KCP: variants seen among roughly 807,000 people sequenced by gnomAD.
KCP encodes kielin/chordin-like protein.
KCP carries 194 observed loss-of-function variants against 212.7 expected under a neutral mutation model. That is an observed-to-expected ratio of 0.91 (90% CI 0.81 to 1.03). The LOEUF (loss-of-function observed/expected upper bound fraction) is 1.03, where lower values mean the gene tolerates loss of function less well. KCP is among the 50% of genes least tolerant of loss of function. The probability of loss-of-function intolerance (pLI) is 0.00; values close to 1 mark genes in which losing one functional copy is unlikely to be tolerated. For missense variants in KCP, 2,080 were observed against 2,162.5 expected, an observed-to-expected ratio of 0.96 and a Z score of 0.76; for synonymous variants, 833 against 865.3, an observed-to-expected ratio of 0.96 and a Z score of 0.65.
chr7:128,888,649 C>CAGCCACACACACACAG (rs1563031476), intron 22 of KCP, among the ~76,000 whole-genome samples: 3 of 151,884 alleles, frequency 2.0e-5, no homozygotes, highest in African/African-American at 7.3e-5. Flanking sequence ...CACACATACA[C>CAGCCACACACACACAG]AGCCACACAC....
intron 7 of KCP, 105 bp from the exon 8 acceptor site, chr7:128,902,964 C>T: frequency 1.2e-6 from 1 of 851,580 alleles, no homozygotes. Context: ...AGGGCTCTCT[C>T]CCGAGCCAAG....
chr7:128,884,130 A>C lies in KCP; in HGVS notation c.3124-8T>G. 6.5e-7 allele frequency: 1 copy of C among 1,541,002 alleles called. No individual in the cohort carries two copies. The highest frequency in any genetic ancestry group is 1.2e-5 in the South Asian group (1 of 83,534). ...AGGCCCCTCAGGCTGTGGCTACAAG[A>C]ATGAGTGAGCAGCGGTGGGTCCTGG... is the stretch of plus-strand genomic sequence containing the variant. On this transcript the variant is annotated splice_polypyrimidine_tract_variant and splice_region_variant and intron_variant, in intron 28 of 39. Coordinates refer to ENST00000610776, the MANE Select transcript of KCP (RefSeq NM_001366122.1).
At position 128,880,398 on chromosome 7, in the gene KCP, G is replaced by A. The variant is rs907059859; in HGVS notation, c.3747C>T (p.Leu1249=). The A allele has an allele frequency of 6.5e-7, 1 of 1,536,862 alleles. No homozygotes were observed. The highest frequency in any genetic ancestry group is 1.2e-5 in the South Asian group (1 of 82,280). ...TTGCGGCACTCACGGGGCCACACGA[G>A]AGCGGTGAGCAGCGCTGGCTCTGGC... ...VRCQSQRCSP[L]SCGPDKAPAL... Residue 1249 remains leucine (L), a synonymous_variant, in exon 34 of 40, where the codon CTC becomes CTT. Coordinates refer to ENST00000610776, the MANE Select transcript of KCP (RefSeq NM_001366122.1).
intron 1 of KCP, among the ~76,000 whole-genome samples, chr7:128,910,369 C>T (rs1795367322): frequency 6.6e-6 from 1 of 152,228 alleles, no homozygotes; most frequent in Admixed American, 6.5e-5. Flanking sequence ...CACTCTCTCC[C>T]GCCGCCGGCT....
At chr7:128,906,080 T>G (rs1433592132) in intron 5 of KCP, among the ~76,000 whole-genome samples, 199 bp downstream of exon 5, 1 of 152,220 alleles carries the variant, frequency 6.6e-6, no homozygotes, top group Non-Finnish European at 1.5e-5. Flanking sequence ...TGTGCCTGTT[T>G]CCCTATGGTC....
chr7:128,894,072 C>T lies in KCP; in HGVS notation c.926-17G>A. 1.3e-6 allele frequency: 2 copies of T among 1,545,170 alleles called. No individual in the cohort carries two copies. The highest frequency in any genetic ancestry group is 1.7e-6 in the Non-Finnish European group (2 of 1,143,176). On this transcript the variant is annotated splice_polypyrimidine_tract_variant and intron_variant, in intron 9 of 39. Coordinates refer to ENST00000610776, the MANE Select transcript of KCP (RefSeq NM_001366122.1). Reference sequence around the variant, plus strand: ...GGAAACAGCCTGTTGGGAAGGGGGGCCTTAGATGTTCCTCAGGGGCCCCTC... The same window carrying T: ...GGAAACAGCCTGTTGGGAAGGGGGGTCTTAGATGTTCCTCAGGGGCCCCTC...
At position 128,908,251 on chromosome 7, in the gene KCP, G is replaced by GAAAAAGAAAGA. The variant is rs10565205; in HGVS notation, c.219+174_219+175insTCTTTCTTTTT. Among the ~76,000 whole-genome samples, 53 of 101,276 alleles carry GAAAAAGAAAGA rather than the reference G, an allele frequency of 5.2e-4. 1 individual carries two copies. The highest frequency in any genetic ancestry group is 2.0e-3 in the African/African-American group (52 of 25,842). The allele number at this position is 101,276 out of a possible 152,430, so 66.4% of individuals were successfully genotyped here. ...AGGAAAGAAGAAAGGAAGAAAGAAA[G>GAAAAAGAAAGA]AAGAAAGAAAGAAAGAAAGAAAGAA... On this transcript the variant is annotated intron_variant, in intron 2 of 39. Transcript: ENST00000610776.
At position 128,886,937 on chromosome 7, in the gene KCP, T is replaced by G. The variant is rs775669763; in HGVS notation, c.2628A>C (p.Pro876=). The part of the protein sequence containing the change: ...QEGSMRCQKK[P]CPPALCPHPS... The stretch of plus-strand genomic sequence containing the variant: ...GGTGGGGGCAGAGAGCTGGGGGACA[T>G]GGCTTCTTCTGGCAGCGCATGGAAC... The change falls in exon 24 of 40, where the codon CCA becomes CCC. Residue 876 remains proline (P), a synonymous_variant. Transcript: ENST00000610776. 6.6e-7 allele frequency: 1 copy of G among 1,523,988 alleles called. No individual in the cohort carries two copies. Among genetic ancestry groups the G allele is most frequent in the Non-Finnish European group, 8.9e-7 (1 of 1,127,652 alleles). 94.4% of individuals were successfully genotyped at this position (1,523,988 alleles called of 1,614,324 possible).
At position 128,891,720 on chromosome 7, in the gene KCP, C is replaced by T. The variant is rs1343583172; in HGVS notation, c.1721G>A (p.Cys574Tyr). Residue 574 changes from cysteine to tyrosine, a missense_variant, in exon 17 of 40, where the codon TGC (cysteine) becomes TAC (tyrosine). Cys to Tyr is a radical substitution (Grantham distance 194). Transcript: ENST00000610776. ...GGCCCTGGGGCAGGGGCGAGGCTGGCAGTGGGCATGGCCTTCCTGGCATCG... is the reference window on the plus strand; with the variant it reads ...GGCCCTGGGGCAGGGGCGAGGCTGGTAGTGGGCATGGCCTTCCTGGCATCG... ...ECRCQEGHAH[C>Y]QPRPCPRAPC... The T allele has an allele frequency of 1.4e-6, 2 of 1,448,414 alleles. No homozygotes were observed. Among genetic ancestry groups the T allele is most frequent in the Non-Finnish European group, 1.8e-6 (2 of 1,098,486 alleles). The allele number at this position is 1,448,414 out of a possible 1,614,324, so 89.7% of individuals were successfully genotyped here.
rs1396999760 is a variant in KCP, at chr7:128,881,719, T to C, written c.3331A>G (p.Thr1111Ala). ...PCYTCQCQDL[T>A]WLCIHQACPE... ...CAAGCCTGGTGGATGCAGAGCCATGTCAGGTCCTGCCCATGTGAACACAAG... is the reference window on the plus strand; with the variant it reads ...CAAGCCTGGTGGATGCAGAGCCATGCCAGGTCCTGCCCATGTGAACACAAG... The change falls in exon 31 of 40, where the codon ACA becomes GCA. Residue 1111 changes from threonine (T) to alanine (A), a missense_variant. Coordinates refer to ENST00000610776, the MANE Select transcript of KCP (RefSeq NM_001366122.1). The C allele has an allele frequency of 6.5e-7, 1 of 1,534,110 alleles. No homozygotes were observed. The highest frequency in any genetic ancestry group is 8.8e-7 in the Non-Finnish European group (1 of 1,142,462).
chr7:128,893,567 AAAG>A, intron 11 of KCP, 91 bp from the exon 12 acceptor site: 4 of 1,107,912 alleles, frequency 3.6e-6, no homozygotes, highest in South Asian at 1.4e-5. Context: ...CCACCCTGAC[AAAG>A]AAGACCCAGC....
At position 128,910,626 on chromosome 7, in the gene KCP, G is replaced by C. The variant is rs1451493213; in HGVS notation, c.51C>G (p.Ala17=). Reference sequence around the variant, plus strand: ...CTTCCGCGCCCGCGGCCAGCGCCAGGGCCCCGAGGTGCAGGAGAAGGGACA... The same window carrying C: ...CTTCCGCGCCCGCGGCCAGCGCCAGCGCCCCGAGGTGCAGGAGAAGGGACA... The part of the protein sequence containing the change: ...AALSLLLHLG[A]LALAAGAEGG... The change falls in exon 1 of 40, where the codon GCC becomes GCG. Residue 17 remains alanine, a synonymous_variant. Coordinates refer to ENST00000610776, the MANE Select transcript of KCP (RefSeq NM_001366122.1). The C allele has an allele frequency of 9.9e-6, 15 of 1,516,976 alleles. No individual in the cohort carries two copies. The Admixed American group carries it at 2.8e-4, about 29-fold the overall frequency. The allele number at this position is 1,516,976 out of a possible 1,614,324, so 94.0% of individuals were successfully genotyped here. A position where few individuals can be genotyped will look rare whatever the true frequency, so the allele number is the denominator to read the frequency against.
rs368915392 is a variant in KCP, at chr7:128,893,376, G to A, written c.1185+15C>T. ...GAATGAGGCAGATCTGGGTGTGAGC[G>A]GAGGGACCGCCTACCTGGCAGGAGC... On this transcript the variant is annotated intron_variant, in intron 12 of 39. Transcript: ENST00000610776. The A allele has an allele frequency of 2.3e-5, 35 of 1,551,590 alleles. No individual in the cohort carries two copies. In the African/African-American group the frequency reaches 2.5e-4, roughly 11 times the overall value.
At chr7:128,903,456 T>C (rs577364415) in intron 7 of KCP, 2 of 526,232 alleles carry the variant, frequency 3.8e-6, no homozygotes, top group Non-Finnish European at 6.7e-6. Context: ...GCTGACCCCA[T>C]GTCTCATGAT....
intron 34 of KCP, 126 bp from the exon 35 acceptor site, chr7:128,880,211 C>T: frequency 7.8e-7 from 1 of 1,289,782 alleles, no homozygotes; most frequent in Non-Finnish European, 1.0e-6. Context: ...CTCCCAGGCT[C>T]CCTGTGAGTG....
rs977801269 is a variant in KCP at position 128,890,467 on chromosome 7, T to C, written c.2211A>G (p.Pro737=). 2 of 1,550,522 alleles carry C rather than the reference T, an allele frequency of 1.3e-6. No individual in the cohort carries two copies. The highest frequency in any genetic ancestry group is 2.7e-5 in the African/African-American group (2 of 73,032). The stretch of plus-strand genomic sequence containing the variant: ...AGAGGTGGCAGGCAGCAGTGGGCGA[T>C]GGGAAGCGCTCCCCGCTGGCAAACT... ...GKEFASGERF[P]SPTAACHLCL... is the part of the protein sequence containing the mutation. Residue 737 remains proline (P), a synonymous_variant, in exon 21 of 40, where the codon CCA becomes CCG. Transcript: ENST00000610776.
intron 5 of KCP, among the ~76,000 whole-genome samples, chr7:128,905,014 G>C (rs1795054838): frequency 6.6e-6 from 1 of 151,924 alleles, no homozygotes; most frequent in Admixed American, 6.5e-5. Flanking sequence ...GGGAGCGGGG[G>C]TCAGGGGTCT....
intron 28 of KCP, 42 bp downstream of exon 28, chr7:128,884,739 C>G (rs548492998): frequency 7.6e-5 from 117 of 1,535,166 alleles, no homozygotes; most frequent in Middle Eastern, 1.7e-4. Flanking sequence ...CCCACTCCCC[C>G]CCGACGAGGT....
chr7:128,890,628 A>T (rs1309667797), intron 20 of KCP, 115 bp from the exon 21 acceptor site: 176 of 87,832 alleles, frequency 2.0e-3, no homozygotes, highest in Non-Finnish European at 2.1e-3. Context: ...TGGGGGCTGG[A>T]GGTCGTGGGG....
Sources: allele counts gnomAD v4.1 joint callset (sites outside exome capture counted in the v4.1 genomes callset), GRCh38; gene constraint gnomAD v4.1.1; transcripts MANE v1.5; gene names NCBI Gene and HGNC (gene_info 2026-07-23, HGNC 2026-07-21).